NFILZ: variants seen among roughly 807,000 people sequenced by gnomAD.
The protein encoded by NFILZ is NFIL3 like basic leucine zipper, also known as NFIL3 like protein.
At chr19:8,672,582 A>G (rs2043093155) in intron 3 of NFILZ, among the ~76,000 whole-genome samples, 1 of 131,104 alleles carries the variant, frequency 7.6e-6, no homozygotes, top group East Asian at 3.4e-4. Context: ...AAAAATATTC[A>G]TGCATTTATT....
chr19:8,678,159 A>ACTTG lies in NFILZ; in HGVS notation c.*524_*525insCTTG, dbSNP rs2043126084. ...CATTCATCCACTTGTCCGTCCATCC[A>ACTTG]TCCATCCATCCATCCATCCATCCAT... On this transcript the variant is annotated 3_prime_UTR_variant, in exon 6 of 6. Transcript: ENST00000691075. 1.4e-3 allele frequency among the ~76,000 whole-genome samples: 16 copies of ACTTG among 11,812 alleles called. No homozygotes were observed. The highest frequency in any genetic ancestry group is 3.2e-3 in the African/African-American group (11 of 3,428). 7.7% of individuals were successfully genotyped at this position (11,812 alleles called of 152,430 possible).
In NFILZ at chr19:8,678,091, T is replaced by TCCA. The variant is rs2043122807; in HGVS notation, c.*456_*457insCCA. On this transcript the variant is annotated 3_prime_UTR_variant, in exon 6 of 6. Coordinates refer to ENST00000691075, the MANE Select transcript of NFILZ (RefSeq NM_001378600.1). ...ATCCATCCATCAATCCATCCATCCATTCCATCCATCCATCCATCCATCCAT... is the reference window on the plus strand; with the variant it reads ...ATCCATCCATCAATCCATCCATCCATCCATCCATCCATCCATCCATCCATCCAT... Among the ~76,000 whole-genome samples, 12 of 4,146 alleles carry TCCA rather than the reference T, an allele frequency of 2.9e-3. No individual in the cohort carries two copies. Among genetic ancestry groups the TCCA allele is most frequent in the Non-Finnish European group, 3.7e-3 (9 of 2,418 alleles). 2.7% of individuals were successfully genotyped at this position (4,146 alleles called of 152,430 possible).
chr19:8,678,867 A>G lies in NFILZ; in HGVS notation c.*1232A>G, dbSNP rs1555751129. 6.6e-6 allele frequency among the ~76,000 whole-genome samples: 1 copy of G among 152,166 alleles called. No individual in the cohort carries two copies. The highest frequency in any genetic ancestry group is 1.9e-4 in the East Asian group (1 of 5,202). The stretch of plus-strand genomic sequence containing the variant: ...TTCCTTTTGTGCCCAGTTAGTGACA[A>G]GTGAGAAGACACTTTTCTGGTCTTG... On this transcript the variant is annotated 3_prime_UTR_variant, in exon 6 of 6. Transcript: ENST00000691075.
Position 8,679,458 on chromosome 19 carries a change from A to AC in NFILZ, c.*1828dup, listed in dbSNP as rs201625662. Among the ~76,000 whole-genome samples, 1,698 of 151,540 alleles carry AC rather than the reference A, an allele frequency of 0.011. 31 individuals are homozygous for AC. Among genetic ancestry groups the AC allele is most frequent in the African/African-American group, 0.039 (1,608 of 41,250 alleles). On this transcript the variant is annotated 3_prime_UTR_variant, in exon 6 of 6. Transcript: ENST00000691075. ...TCACTTGGACTCAGGAGCATCGCCCACCCCCACCAGATCTGGGGGCTGGGC... is the reference window on the plus strand; with the variant it reads ...TCACTTGGACTCAGGAGCATCGCCCACCCCCCACCAGATCTGGGGGCTGGGC...
chr19:8,667,373 C>T (rs937806882), intron 3 of NFILZ, among the ~76,000 whole-genome samples: 16 of 152,174 alleles, frequency 1.1e-4, no homozygotes, highest in African/African-American at 2.9e-4. Flanking sequence ...TTTCCTTCTA[C>T]GAGTCAACCC....
At chr19:8,667,074 G>C (rs1337370176) in intron 3 of NFILZ, among the ~76,000 whole-genome samples, 2 of 151,932 alleles carry the variant, frequency 1.3e-5, no homozygotes, top group African/African-American at 4.8e-5. Context: ...TCTACCCACT[G>C]TCCCACCCTG....
intron 3 of NFILZ, among the ~76,000 whole-genome samples, chr19:8,645,467 TC>T (rs2042935401): frequency 1.3e-5 from 2 of 152,040 alleles, no homozygotes; most frequent in African/African-American, 4.8e-5. Context: ...GATCATGTTG[TC>T]CCCAGCCTCA....
intron 3 of NFILZ, among the ~76,000 whole-genome samples, chr19:8,650,174 T>G (rs2042959058): frequency 6.6e-6 from 1 of 151,258 alleles, no homozygotes; most frequent in East Asian, 1.9e-4. Context: ...TTTTTTTTTG[T>G]GGTTGTTTGT....
rs2043121415 is a variant in NFILZ, at chr19:8,678,059, TCTATTC to T, written c.*425_*430del. Reference sequence around the variant, plus strand: ...ATCCATCCATCCATCCATCCACCCATCTATTCATCCATCCATCAATCCATCCATCCA... The same window carrying T: ...ATCCATCCATCCATCCATCCACCCATATCCATCCATCAATCCATCCATCCA... On this transcript the variant is annotated 3_prime_UTR_variant, in exon 6 of 6. Coordinates refer to ENST00000691075, the MANE Select transcript of NFILZ (RefSeq NM_001378600.1). Among the ~76,000 whole-genome samples, 2 of 19,260 alleles carry T rather than the reference TCTATTC, an allele frequency of 1.0e-4. No homozygotes were observed. The highest frequency in any genetic ancestry group is 1.8e-4 in the African/African-American group (1 of 5,672). 12.6% of individuals were successfully genotyped at this position (19,260 alleles called of 152,430 possible).
intron 3 of NFILZ, among the ~76,000 whole-genome samples, chr19:8,656,217 C>CCGCCTTCTCCCTG (rs2042991979): frequency 5.0e-5 from 7 of 139,684 alleles, no homozygotes; most frequent in African/African-American, 1.6e-4. Flanking sequence ...TCCCTGCAGC[C>CCGCCTTCTCCCTG]CACCTTCTCC....
chr19:8,648,807 C>G (rs1384392085), intron 3 of NFILZ, among the ~76,000 whole-genome samples: 2 of 149,922 alleles, frequency 1.3e-5, no homozygotes, highest in South Asian at 2.1e-4. Context: ...TGAGTCAAGA[C>G]CATGCCATTG....
At chr19:8,664,212 G>A (rs1375519397) in intron 3 of NFILZ, among the ~76,000 whole-genome samples, 1 of 152,182 alleles carries the variant, frequency 6.6e-6, no homozygotes, top group East Asian at 1.9e-4. Flanking sequence ...TATGTACCGG[G>A]TTACCTGTTC....
rs1163366575 is a variant in NFILZ, at chr19:8,677,277, C to T, written c.512C>T (p.Pro171Leu). Residue 171 changes from proline to leucine, a missense_variant, in exon 6 of 6, where the codon CCC becomes CTC. Pro to Leu is a moderately conservative substitution (Grantham distance 98). Transcript: ENST00000691075. ...WTGLATSPRS[P>L]QESASPTLNR... is the part of the protein sequence containing the mutation. Reference sequence around the variant, plus strand: ...GGCTTGGCCACTTCTCCTAGGTCCCCCCAAGAGTCTGCATCTCCTACCCTC... The same window carrying T: ...GGCTTGGCCACTTCTCCTAGGTCCCTCCAAGAGTCTGCATCTCCTACCCTC... 1.3e-5 allele frequency among the ~76,000 whole-genome samples: 2 copies of T among 152,218 alleles called. No homozygotes were observed. The highest frequency in any genetic ancestry group is 4.8e-5 in the African/African-American group (2 of 41,466).
At chr19:8,675,673 A>C (rs2043107280) in intron 4 of NFILZ, among the ~76,000 whole-genome samples, 1 of 152,218 alleles carries the variant, frequency 6.6e-6, no homozygotes, top group Non-Finnish European at 1.5e-5. Flanking sequence ...AAGCTGAGGC[A>C]TGATGATTGC....
At chr19:8,676,587 C>T (rs1015398858) in intron 5 of NFILZ, among the ~76,000 whole-genome samples, 131 bp downstream of exon 5, 14 of 152,198 alleles carry the variant, frequency 9.2e-5, no homozygotes, top group African/African-American at 3.4e-4. Context: ...ACCCAATCTT[C>T]ACTGGGCATC....
At chr19:8,652,318 T>C (rs2146148024) in intron 3 of NFILZ, among the ~76,000 whole-genome samples, 1 of 152,158 alleles carries the variant, frequency 6.6e-6, no homozygotes, top group East Asian at 1.9e-4. Context: ...TTAGCCAGGA[T>C]GGTCTCGATC....
At chr19:8,651,707 C>T (rs2042965613) in intron 3 of NFILZ, among the ~76,000 whole-genome samples, 1 of 151,796 alleles carries the variant, frequency 6.6e-6, no homozygotes, top group Admixed American at 6.6e-5. Context: ...AATTTTTAAA[C>T]TTTTAATAGA....
At chr19:8,639,401 A>C (rs1600139555) in intron 3 of NFILZ, among the ~76,000 whole-genome samples, 1 of 151,840 alleles carries the variant, frequency 6.6e-6, no homozygotes, top group Non-Finnish European at 1.5e-5. Flanking sequence ...ACATAGCAAG[A>C]CCCCTGCCTC....
At chr19:8,663,722 T>TTGTGTGTGTGTGTGTGTG (rs879983007) in intron 3 of NFILZ, among the ~76,000 whole-genome samples, 1 of 10,800 alleles carries the variant, frequency 9.3e-5, no homozygotes, top group Non-Finnish European at 2.3e-4. Flanking sequence ...GTGTGTGTGT[T>TTGTGTGTGTGTGTGTGTG]TGTGTGTGTG....
Sources: allele counts gnomAD v4.1 joint callset (sites outside exome capture counted in the v4.1 genomes callset), GRCh38; gene constraint gnomAD v4.1.1; transcripts MANE v1.5; gene names NCBI Gene and HGNC (gene_info 2026-07-23, HGNC 2026-07-21).